The following ENDOD1 variants were observed in gnomAD, a reference collection of about 807,000 sequenced individuals.
ENDOD1 encodes endonuclease domain-containing 1 protein.
ENDOD1 carries 9 observed loss-of-function variants against 6.5 expected under a neutral mutation model. The ratio of observed to expected loss-of-function variants is 1.39; its 90% CI spans 0.84 to 2.43. The LOEUF is 2.43. Ranked by LOEUF, ENDOD1 falls within the 30% of genes most tolerant of loss-of-function variation. ENDOD1 has a pLI of 0.00. For missense variants in ENDOD1, 648 were observed against 635.5 expected (o/e 1.02, Z -0.21); for synonymous variants, 255 against 255.2 (o/e 1.00, Z 0.01).
chr11:95,105,466 T>A (rs1295452647), intron 1 of ENDOD1, among the ~76,000 whole-genome samples: 1 of 152,162 alleles, frequency 6.6e-6, no homozygotes, highest in Admixed American at 6.5e-5. Flanking sequence ...ATGTGCAGGA[T>A]GTGTGTTTGT....
intron 1 of ENDOD1, among the ~76,000 whole-genome samples, chr11:95,118,526 T>G (rs937012366): frequency 6.6e-6 from 1 of 152,258 alleles, no homozygotes; most frequent in Non-Finnish European, 1.5e-5. Flanking sequence ...AAAAGTCTGC[T>G]GACAGGCATA....
At chr11:95,125,491 G>A (rs976853560) in intron 1 of ENDOD1, among the ~76,000 whole-genome samples, 5 of 151,918 alleles carry the variant, frequency 3.3e-5, no homozygotes, top group Non-Finnish European at 2.9e-5. Context: ...TGTGCACAAC[G>A]TGCAGGTTTG....
intron 1 of ENDOD1, among the ~76,000 whole-genome samples, chr11:95,100,488 T>TTTA (rs1859027743): frequency 6.6e-6 from 1 of 152,048 alleles, no homozygotes; most frequent in Non-Finnish European, 1.5e-5. Context: ...CTTTCTGGTT[T>TTTA]TTATTATTAT....
intron 1 of ENDOD1, among the ~76,000 whole-genome samples, chr11:95,127,163 G>T (rs1859319804): frequency 6.6e-6 from 1 of 152,210 alleles, no homozygotes; most frequent in Admixed American, 6.5e-5. Flanking sequence ...CAGGCCTTGG[G>T]CTGGGTTCTG....
intron 1 of ENDOD1, among the ~76,000 whole-genome samples, chr11:95,120,148 T>C (rs886603307): frequency 2.6e-5 from 4 of 152,180 alleles, no homozygotes; most frequent in African/African-American, 7.2e-5. Flanking sequence ...AAGAGCCCAC[T>C]TGATGCTCTC....
Position 95,089,951 on chromosome 11 carries a change from G to C in ENDOD1, c.24G>C (p.Ala8=), listed in dbSNP as rs1555109613. ...CCATGGGCACCGCGCGCTGGCTCGC[G>C]CTGGGCAGCCTCTTCGCCCTGGCTG... MGTARWL[A]LGSLFALAGL... is the part of the protein sequence containing the mutation. Residue 8 remains alanine, a synonymous_variant, in exon 1 of 2, where the codon GCG becomes GCC. Transcript: ENST00000278505. 6.7e-7 allele frequency: 1 copy of C among 1,481,870 alleles called. No individual in the cohort carries two copies. The highest frequency in any genetic ancestry group is 1.5e-5 in the African/African-American group (1 of 68,270). 91.8% of individuals were successfully genotyped at this position (1,481,870 alleles called of 1,614,324 possible). A position where few individuals can be genotyped will look rare whatever the true frequency, so the allele number is the denominator to read the frequency against.
intron 1 of ENDOD1, among the ~76,000 whole-genome samples, chr11:95,120,481 G>A (rs550884127): frequency 5.9e-5 from 9 of 152,190 alleles, no homozygotes; most frequent in South Asian, 2.1e-4. Context: ...GCCTAGAAAC[G>A]GGGCCTCACA....
rs986028926 is a variant in ENDOD1, at chr11:95,130,088, A to T, written c.*509A>T. The T allele has an allele frequency of 1.3e-5, 2 of 152,878 alleles. No individual in the cohort carries two copies. Among genetic ancestry groups the T allele is most frequent in the Admixed American group, 1.3e-4 (2 of 15,386 alleles). 9.5% of individuals were successfully genotyped at this position (152,878 alleles called of 1,614,324 possible). A position where few individuals can be genotyped will look rare whatever the true frequency, so the allele number is the denominator to read the frequency against. On this transcript the variant is annotated 3_prime_UTR_variant, in exon 2 of 2. Transcript: ENST00000278505. ...CTCGACTGACCTTGGTGGAATGCAG[A>T]TAATGCCTCTTTGTTGAAATAACTT...
intron 1 of ENDOD1, among the ~76,000 whole-genome samples, chr11:95,095,258 T>A (rs111806022): frequency 6.6e-6 from 1 of 152,100 alleles, no homozygotes; most frequent in African/African-American, 2.4e-5. Flanking sequence ...GAGGGTGGAT[T>A]TGAGTGATTA....
At chr11:95,106,346 G>A (rs1161065608) in intron 1 of ENDOD1, among the ~76,000 whole-genome samples, 2 of 152,188 alleles carry the variant, frequency 1.3e-5, no homozygotes, top group Non-Finnish European at 2.9e-5. Context: ...GTTGTAGAGA[G>A]AAGTGGGGCG....
chr11:95,122,044 T>C (rs1269143600), intron 1 of ENDOD1, among the ~76,000 whole-genome samples: 1 of 152,080 alleles, frequency 6.6e-6, no homozygotes, highest in Non-Finnish European at 1.5e-5. Flanking sequence ...ACATCATAGG[T>C]TTATTTTTGT....
rs1255206708 is a variant in ENDOD1 at position 95,132,126 on chromosome 11, C to A, written c.*2547C>A. On this transcript the variant is annotated 3_prime_UTR_variant, in exon 2 of 2. Coordinates refer to ENST00000278505, the MANE Select transcript of ENDOD1 (RefSeq NM_015036.3). Reference sequence around the variant, plus strand: ...CTCTGGCTTAAAGATCTTGCTGTGGCTCTGTTATGTTCTGAGGCCTTGGGA... The same window carrying A: ...CTCTGGCTTAAAGATCTTGCTGTGGATCTGTTATGTTCTGAGGCCTTGGGA... 6.6e-6 allele frequency: 1 copy of A among 152,644 alleles called. No individual in the cohort carries two copies. The highest frequency in any genetic ancestry group is 1.5e-5 in the Non-Finnish European group (1 of 68,076). 9.5% of individuals were successfully genotyped at this position (152,644 alleles called of 1,614,324 possible).
At chr11:95,127,568 G>C (rs189233899) in intron 1 of ENDOD1, among the ~76,000 whole-genome samples, 1 of 152,254 alleles carries the variant, frequency 6.6e-6, no homozygotes, top group Admixed American at 6.5e-5. Context: ...TCATAAATCC[G>C]AAAATGTGTA....
At chr11:95,124,431 C>G (rs933964200) in intron 1 of ENDOD1, among the ~76,000 whole-genome samples, 1 of 152,242 alleles carries the variant, frequency 6.6e-6, no homozygotes, top group Non-Finnish European at 1.5e-5. Context: ...ATTTTAAACA[C>G]TATGTTCTAT....
intron 1 of ENDOD1, among the ~76,000 whole-genome samples, chr11:95,112,294 C>T (rs983988467): frequency 6.6e-6 from 1 of 152,224 alleles, no homozygotes; most frequent in Non-Finnish European, 1.5e-5. Context: ...TCAGCATTCC[C>T]CTCCTCATTC....
rs890977133 is a variant in ENDOD1 at position 95,127,282 on chromosome 11, A to C, written c.301-1095A>C. Among the ~76,000 whole-genome samples the C allele has an allele frequency of 2.6e-5, 4 of 152,356 alleles. No individual in the cohort carries two copies. The South Asian group carries it at 8.3e-4, about 32-fold the overall frequency. ...CTTTCCTTTTGTCCTTTCAGATAAG[A>C]TGAAAATAATCATAAATAATATTGA... On this transcript the variant is annotated intron_variant, in intron 1 of 1. Transcript: ENST00000278505.
intron 1 of ENDOD1, among the ~76,000 whole-genome samples, chr11:95,115,915 A>G (rs1374947806): frequency 6.6e-6 from 1 of 152,186 alleles, no homozygotes; most frequent in East Asian, 1.9e-4. Flanking sequence ...GGATTTTTGC[A>G]TCAATATTCA....
chr11:95,115,514 T>G (rs1486147240), intron 1 of ENDOD1, among the ~76,000 whole-genome samples: 2 of 152,188 alleles, frequency 1.3e-5, no homozygotes, highest in African/African-American at 4.8e-5. Context: ...CTGATTGCTC[T>G]AGCTAAAACT....
chr11:95,119,455 G>C (rs1859241902), intron 1 of ENDOD1, among the ~76,000 whole-genome samples: 1 of 152,254 alleles, frequency 6.6e-6, no homozygotes, highest in Admixed American at 6.5e-5. Context: ...AGATCAGAAA[G>C]AATTCTCTGG....
Sources: gnomAD v4.1 joint callset for allele counts (sites outside exome capture counted in the v4.1 genomes callset) on GRCh38, gnomAD v4.1.1 for gene constraint, MANE v1.5 for transcripts, NCBI Gene and HGNC (gene_info 2026-07-23, HGNC 2026-07-21) for gene names.